OAS3: variants seen among roughly 807,000 people sequenced by gnomAD.
OAS3 encodes 2'-5'-oligoadenylate synthase 3.
In OAS3, 107 loss-of-function variants were observed where a neutral mutation model predicts 113.0. The observed-to-expected ratio is 0.95, with a 90% CI of 0.81 to 1.11. The LOEUF (loss-of-function observed/expected upper bound fraction) is 1.11, where lower values mean the gene tolerates loss of function less well. Ranked by LOEUF, OAS3 falls within the 50% of genes most tolerant of loss-of-function variation. The pLI, the probability that OAS3 is intolerant of heterozygous loss-of-function variation, is 0.00. For synonymous variants in OAS3, 552 were observed against 573.6 expected (o/e 0.96, Z 0.54); for missense variants, 1,258 against 1,389.1 (o/e 0.91, Z 1.50).
intron 1 of OAS3, among the ~76,000 whole-genome samples, chr12:112,939,089 A>C (rs946586784): frequency 6.6e-6 from 1 of 152,172 alleles, no homozygotes; most frequent in Non-Finnish European, 1.5e-5. Flanking sequence ...TGGGCCTCAC[A>C]CTATGCCAGA....
chr12:112,970,068 T>TTGTGTACATGTGTGTGTGAGCACA lies in OAS3; in HGVS notation c.*101_*124dup. 1 of 1,348,978 alleles carries TTGTGTACATGTGTGTGTGAGCACA rather than the reference T, an allele frequency of 7.4e-7. No homozygotes were observed. The allele number at this position is 1,348,978 out of a possible 1,614,324, so 83.6% of individuals were successfully genotyped here. On this transcript the variant is annotated 3_prime_UTR_variant, in exon 16 of 16. Coordinates refer to ENST00000228928, the MANE Select transcript of OAS3 (RefSeq NM_006187.4). ...AGGGTCCCCTACCAGATGAGAGAGA[T>TTGTGTACATGTGTGTGTGAGCACA]TGTGTACATGTGTGTGTGAGCACAT...
At position 112,963,533 on chromosome 12, in the gene OAS3, A is replaced by C; in HGVS notation, c.2229+76A>C. On this transcript the variant is annotated intron_variant, in intron 10 of 15. Coordinates refer to ENST00000228928, the MANE Select transcript of OAS3 (RefSeq NM_006187.4). The surrounding 1 kb of genome is among the most constrained non-coding windows in gnomAD (Gnocchi z 4.6). ...TCAGGTTCCCTTAACCTGCCGGTGC[A>C]CCCATCCCCAGCTGCTAGGAGTGTT... The C allele has an allele frequency of 2.2e-6, 3 of 1,346,996 alleles. No homozygotes were observed. The highest frequency in any genetic ancestry group is 2.9e-6 in the Non-Finnish European group (3 of 1,030,358). 83.4% of individuals were successfully genotyped at this position (1,346,996 alleles called of 1,614,324 possible).
chr12:112,938,554 C>T lies in OAS3; in HGVS notation c.24C>T (p.Ala8=), dbSNP rs770704135. 1.2e-6 allele frequency: 2 copies of T among 1,608,612 alleles called. No homozygotes were observed. Among genetic ancestry groups the T allele is most frequent in the Non-Finnish European group, 1.7e-6 (2 of 1,178,258 alleles). Reference sequence around the variant, plus strand: ...CCATGGACTTGTACAGCACCCCGGCCGCTGCGCTGGACAGGTTCGTGGCCA... The same window carrying T: ...CCATGGACTTGTACAGCACCCCGGCTGCTGCGCTGGACAGGTTCGTGGCCA... MDLYSTP[A]AALDRFVARR... Residue 8 remains alanine (A), a synonymous_variant, in exon 1 of 16, where the codon GCC becomes GCT. Coordinates refer to ENST00000228928, the MANE Select transcript of OAS3 (RefSeq NM_006187.4).
chr12:112,956,836 G>A (rs975198718), intron 7 of OAS3, among the ~76,000 whole-genome samples: 2 of 152,216 alleles, frequency 1.3e-5, no homozygotes, highest in African/African-American at 4.8e-5. Flanking sequence ...GGACAGTTCT[G>A]TAGATGTCTA....
In OAS3 at chr12:112,958,271, A is replaced by G. The variant is rs371634372; in HGVS notation, c.1658-2800A>G. 9.1e-4 allele frequency among the ~76,000 whole-genome samples: 139 copies of G among 152,310 alleles called. 5 individuals carry two copies. The South Asian group carries it at 0.029, about 31-fold the overall frequency. On this transcript the variant is annotated intron_variant, in intron 7 of 15. Transcript: ENST00000228928. ...TCTCAAGGTTTTTAGCTTCTTTGTG[A>G]TAGGTTTGAACATCCTCCTTTAGCT... is the stretch of plus-strand genomic sequence containing the variant.
intron 1 of OAS3, among the ~76,000 whole-genome samples, chr12:112,941,180 C>T (rs2043675502): frequency 6.6e-6 from 1 of 151,734 alleles, no homozygotes; most frequent in Admixed American, 6.6e-5. Context: ...GCCTGGGCAA[C>T]ATAGCAAGAC....
chr12:112,949,145 T>C lies in OAS3; in HGVS notation c.1314T>C (p.Ile438=), dbSNP rs2285932. The change falls in exon 6 of 16, where the codon ATT becomes ATC. Residue 438 remains isoleucine, a synonymous_variant. Coordinates refer to ENST00000228928, the MANE Select transcript of OAS3 (RefSeq NM_006187.4). ...TCCAGGAGCAGGTGAAAAAGGCCAT[T>C]GACATCATCTTGCGCTGCCTCCATG... is the stretch of plus-strand genomic sequence containing the variant. ...PQFQEQVKKA[I]DIILRCLHEN... 0.71 allele frequency: 1,146,091 copies of C among 1,613,512 alleles called. 412,362 individuals carry two copies. The highest frequency in any genetic ancestry group is 0.95 in the African/African-American group (71,041 of 74,940).
intron 7 of OAS3, among the ~76,000 whole-genome samples, chr12:112,951,815 G>A (rs1406034269): frequency 8.7e-6 from 1 of 115,062 alleles, no homozygotes; most frequent in African/African-American, 3.5e-5. Flanking sequence ...TGGCCACAGT[G>A]AAACCCCATC....
In OAS3 at chr12:112,962,689, CCT is replaced by C; in HGVS notation, c.1876_1877del (p.Leu626AlafsTer51). On this transcript the variant is annotated frameshift_variant, in exon 9 of 16. Coordinates refer to ENST00000228928, the MANE Select transcript of OAS3 (RefSeq NM_006187.4). LOFTEE classifies it high-confidence loss of function. ...AACAAAGGAAAAGGACCAGCCCCTG[CCT>C]CTCTGCCCCCAGCCTATGCCCTGGA... 2 of 1,614,030 alleles carry C rather than the reference CCT, an allele frequency of 1.2e-6. No homozygotes were observed. The highest frequency in any genetic ancestry group is 1.7e-6 in the Non-Finnish European group (2 of 1,179,884).
At chr12:112,969,255 G>T in intron 14 of OAS3, 1 of 242,530 alleles carries the variant, frequency 4.1e-6, no homozygotes, top group Non-Finnish European at 8.2e-6. Context: ...AAACACTTCT[G>T]GTCCCAAGCA....
chr12:112,958,172 G>A (rs2043852503), intron 7 of OAS3, among the ~76,000 whole-genome samples: 1 of 152,232 alleles, frequency 6.6e-6, no homozygotes, highest in African/African-American at 2.4e-5. Flanking sequence ...CTTGTGCCAT[G>A]ATTTTCAGCT....
chr12:112,970,995 C>G lies in OAS3; in HGVS notation c.*1022C>G, dbSNP rs941657242. ...AAACAACCGTGCTCAGCCTGTTTCT[C>G]TCTGCCCTCTAGAGCAAGGCCCACC... is the stretch of plus-strand genomic sequence containing the variant. On this transcript the variant is annotated 3_prime_UTR_variant, in exon 16 of 16. Coordinates refer to ENST00000228928, the MANE Select transcript of OAS3 (RefSeq NM_006187.4). 3.9e-5 allele frequency: 6 copies of G among 152,342 alleles called. No individual in the cohort carries two copies. Among genetic ancestry groups the G allele is most frequent in the Non-Finnish European group, 8.8e-5 (6 of 68,146 alleles). The allele number at this position is 152,342 out of a possible 1,614,324, so 9.4% of individuals were successfully genotyped here. A position where few individuals can be genotyped will look rare whatever the true frequency, so the allele number is the denominator to read the frequency against.
chr12:112,963,025 G>A lies in OAS3; in HGVS notation c.2084+123G>A, dbSNP rs1003224222. 4.9e-5 allele frequency: 65 copies of A among 1,322,470 alleles called. 1 individual carries two copies. Among genetic ancestry groups the A allele is most frequent in the Non-Finnish European group, 3.2e-5 (30 of 948,004 alleles). 81.9% of individuals were successfully genotyped at this position (1,322,470 alleles called of 1,614,324 possible). The stretch of plus-strand genomic sequence containing the variant: ...GGGTGGCAATCCCACTCCTCACTCT[G>A]CTTCCCTCTGGACTCTTTGCTGAGG... On this transcript the variant is annotated intron_variant, in intron 9 of 15. Coordinates refer to ENST00000228928, the MANE Select transcript of OAS3 (RefSeq NM_006187.4). The surrounding 1 kb of genome is among the most constrained non-coding windows in gnomAD (Gnocchi z 4.6).
intron 14 of OAS3, 181 bp from the exon 15 acceptor site, chr12:112,969,427 G>C: frequency 3.0e-6 from 2 of 660,006 alleles, no homozygotes; most frequent in Admixed American, 2.6e-5. Flanking sequence ...ATGGCAAAGT[G>C]GCCATGTGTG....
intron 2 of OAS3, among the ~76,000 whole-genome samples, chr12:112,942,809 GTTATTATTATTA>G (rs150839864): frequency 1.4e-5 from 2 of 147,284 alleles, no homozygotes; most frequent in Non-Finnish European, 3.0e-5. Context: ...TATTATTATT[GTTATTATTATTA>G]TTATTATTAT....
intron 3 of OAS3, among the ~76,000 whole-genome samples, chr12:112,946,348 C>T (rs370808198): frequency 6.6e-6 from 1 of 152,108 alleles, no homozygotes; most frequent in Non-Finnish European, 1.5e-5. Flanking sequence ...GAGTTCTGGC[C>T]CGCTGCCCCA....
chr12:112,959,273 C>A (rs992614779), intron 7 of OAS3, among the ~76,000 whole-genome samples: 3 of 152,168 alleles, frequency 2.0e-5, no homozygotes, highest in Admixed American at 1.3e-4. Context: ...AAAGGGAATT[C>A]CCCGACCCCT....
chr12:112,969,433 G>C, intron 14 of OAS3, 175 bp from the exon 15 acceptor site: 1 of 689,492 alleles, frequency 1.5e-6, no homozygotes, highest in South Asian at 1.8e-5. Flanking sequence ...AAGTGGCCAT[G>C]TGTGTCTTAT....
intron 8 of OAS3, among the ~76,000 whole-genome samples, chr12:112,962,282 C>T (rs1425139178): frequency 6.6e-6 from 1 of 152,216 alleles, no homozygotes; most frequent in Non-Finnish European, 1.5e-5. Context: ...AGCCCCTATT[C>T]CTGTACAACC....
Sources: gnomAD v4.1 joint callset for allele counts (sites outside exome capture counted in the v4.1 genomes callset) on GRCh38, gnomAD v4.1.1 for gene constraint, Gnocchi (gnomAD v3.1) non-coding constraint, MANE v1.5 for transcripts, NCBI Gene and HGNC (gene_info 2026-07-23, HGNC 2026-07-21) for gene names.